Variants in ELP2 observed in about 807,000 individuals in gnomAD.
ELP2 encodes the protein elongator complex protein 2.
Under a neutral mutation model 119.2 loss-of-function variants are expected in ELP2, and 90 were observed. The ratio of observed to expected loss-of-function variants is 0.75; its 90% CI spans 0.64 to 0.90. ELP2 has a LOEUF of 0.90. ELP2 is among the 40% of genes least tolerant of loss of function. The pLI is 0.00. For synonymous variants in ELP2, 339 were observed against 331.0 expected, an observed-to-expected ratio of 1.02 and a Z score of -0.26; for missense variants, 921 against 967.8, an observed-to-expected ratio of 0.95 and a Z score of 0.64.
At position 36,145,129 on chromosome 18, in the gene ELP2, T is replaced by A. The variant is rs568797740; in HGVS notation, c.892+95T>A. 22 of 929,654 alleles carry A rather than the reference T, an allele frequency of 2.4e-5. No individual in the cohort carries two copies. In the East Asian group the frequency reaches 5.3e-4, roughly 22 times the overall value. 57.6% of individuals were successfully genotyped at this position (929,654 alleles called of 1,614,324 possible). A position where few individuals can be genotyped will look rare whatever the true frequency, so the allele number is the denominator to read the frequency against. The stretch of plus-strand genomic sequence containing the variant: ...AAGTGGAGAATTTTTTTACTGTGAT[T>A]AGAAATCTCAAATACATGACATTTT... On this transcript the variant is annotated intron_variant, in intron 9 of 21. Coordinates refer to ENST00000358232, the MANE Select transcript of ELP2 (RefSeq NM_018255.4).
At chr18:36,148,748 C>T (rs531062242) in intron 11 of ELP2, among the ~76,000 whole-genome samples, 5 of 152,210 alleles carry the variant, frequency 3.3e-5, no homozygotes, top group Admixed American at 2.0e-4. Flanking sequence ...TCGTTGCAGG[C>T]GCCTGTGGTC....
In ELP2 at chr18:36,174,521, G is replaced by A; in HGVS notation, c.2361G>A (p.Trp787Ter). ...SHTLAIRKLC[W>*]KNCSGKTEQK... ...CACTGGCTATCAGAAAATTATGCTG[G>A]AAGAATTGCAGTGGAAAAACTGAAC... The change falls in exon 22 of 22, where the codon TGG (tryptophan) becomes TGA (stop). Residue 787 changes from tryptophan to a stop codon, truncating the protein, a stop_gained. Transcript: ENST00000358232. LOFTEE classifies it high-confidence loss of function. 6.2e-7 allele frequency: 1 copy of A among 1,614,090 alleles called. No homozygotes were observed. The highest frequency in any genetic ancestry group is 8.5e-7 in the Non-Finnish European group (1 of 1,179,992).
Position 36,152,055 on chromosome 18 carries a change from C to A in ELP2, c.1126-2795C>A, listed in dbSNP as rs545446713. Among the ~76,000 whole-genome samples the A allele has an allele frequency of 6.6e-5, 10 of 151,882 alleles. No homozygotes were observed. The East Asian group carries it at 1.7e-3, about 27-fold the overall frequency. On this transcript the variant is annotated intron_variant, in intron 11 of 21. Coordinates refer to ENST00000358232, the MANE Select transcript of ELP2 (RefSeq NM_018255.4). ...CCTGAGCCACCATGCCCAGCCAGTT[C>A]TGGTTTTTTAATGGTTTTTTTCCAG...
At chr18:36,169,011 G>T (rs998426206) in intron 19 of ELP2, among the ~76,000 whole-genome samples, 2 of 125,482 alleles carry the variant, frequency 1.6e-5, no homozygotes, top group Non-Finnish European at 3.2e-5. Context: ...TGCAACCCCC[G>T]CCTCCCAGGT....
chr18:36,146,543 A>G (rs920163391), intron 11 of ELP2, among the ~76,000 whole-genome samples, 162 bp downstream of exon 11: 2 of 152,224 alleles, frequency 1.3e-5, no homozygotes, highest in Admixed American at 6.5e-5. Flanking sequence ...TGAAATTTGC[A>G]TGTAGGTAAA....
chr18:36,149,488 G>GTTTTT lies in ELP2; in HGVS notation c.1125+3117_1125+3121dup, dbSNP rs71166097. ...GTTGCAGGGTTTTTTGTTTTGTTTT[G>GTTTTT]TTTTTTTTTTTTTTGCTTAGAAATC... On this transcript the variant is annotated intron_variant, in intron 11 of 21. Coordinates refer to ENST00000358232, the MANE Select transcript of ELP2 (RefSeq NM_018255.4). Among the ~76,000 whole-genome samples the GTTTTT allele has an allele frequency of 3.2e-5, 4 of 125,082 alleles. 1 individual carries two copies. Among genetic ancestry groups the GTTTTT allele is most frequent in the Admixed American group, 2.8e-4 (3 of 10,718 alleles). The allele number at this position is 125,082 out of a possible 152,430, so 82.1% of individuals were successfully genotyped here.
chr18:36,161,065 C>T (rs1281031136), intron 17 of ELP2, 61 bp downstream of exon 17: 41 of 1,236,256 alleles, frequency 3.3e-5, no homozygotes, highest in Non-Finnish European at 4.8e-5. Context: ...CAGGCTCCTG[C>T]AAGTTTGGTA....
intron 5 of ELP2, among the ~76,000 whole-genome samples, chr18:36,140,475 T>C (rs1298227026): frequency 6.6e-6 from 1 of 152,146 alleles, no homozygotes. Context: ...GCCTCCTGAG[T>C]AACTGGGATT....
chr18:36,163,172 T>A (rs2144765138), intron 17 of ELP2, among the ~76,000 whole-genome samples: 1 of 152,236 alleles, frequency 6.6e-6, no homozygotes, highest in East Asian at 1.9e-4. Context: ...GCTTTTTGCT[T>A]CTGAGTCATT....
chr18:36,172,592 G>C (rs995144125), intron 21 of ELP2, among the ~76,000 whole-genome samples: 4 of 152,208 alleles, frequency 2.6e-5, no homozygotes, highest in Admixed American at 6.5e-5. Flanking sequence ...AGTTTGTGCT[G>C]TTGGCTTGCT....
Position 36,146,489 on chromosome 18 carries a change from A to G in ELP2, c.1125+108A>G, listed in dbSNP as rs2144656621. ...ACAGAAACATAGTAGAGGCACTTGA[A>G]GTTCAAGTGACATAACTTTTTTCTG... On this transcript the variant is annotated intron_variant, in intron 11 of 21. Transcript: ENST00000358232. 1.1e-5 allele frequency: 14 copies of G among 1,221,240 alleles called. No homozygotes were observed. In the South Asian group the frequency reaches 1.3e-4, roughly 11 times the overall value. The allele number at this position is 1,221,240 out of a possible 1,614,324, so 75.7% of individuals were successfully genotyped here.
Position 36,176,453 on chromosome 18 carries a change from G to T in ELP2, c.*1812G>T, listed in dbSNP as rs1486917626. Reference sequence around the variant, plus strand: ...CATGCAGGCTTCCAGAGCAGATTCAGAGGCCTAACTTAGTCCTTTAGCTTT... The same window carrying T: ...CATGCAGGCTTCCAGAGCAGATTCATAGGCCTAACTTAGTCCTTTAGCTTT... On this transcript the variant is annotated 3_prime_UTR_variant, in exon 22 of 22. Coordinates refer to ENST00000358232, the MANE Select transcript of ELP2 (RefSeq NM_018255.4). 6.6e-6 allele frequency: 1 copy of T among 152,240 alleles called. No homozygotes were observed. Among genetic ancestry groups the T allele is most frequent in the Non-Finnish European group, 1.5e-5 (1 of 68,050 alleles). 9.4% of individuals were successfully genotyped at this position (152,240 alleles called of 1,614,324 possible). A position where few individuals can be genotyped will look rare whatever the true frequency, so the allele number is the denominator to read the frequency against.
intron 1 of ELP2, 39 bp downstream of exon 1, chr18:36,130,110 C>A: frequency 6.2e-7 from 1 of 1,613,330 alleles, no homozygotes; most frequent in Non-Finnish European, 8.5e-7. Context: ...TTGTGCTTTT[C>A]GGGTTGAACC....
At chr18:36,159,657 G>A (rs2090671272) in intron 14 of ELP2, 78 bp from the exon 15 acceptor site, 2 of 1,044,938 alleles carry the variant, frequency 1.9e-6, no homozygotes, top group Admixed American at 1.7e-5. Context: ...TGCTTTCTAT[G>A]TGGTGGCCTT....
At position 36,178,612 on chromosome 18, in the gene ELP2, A is replaced by G. The variant is rs986110546; in HGVS notation, c.*3971A>G. On this transcript the variant is annotated 3_prime_UTR_variant, in exon 22 of 22. Coordinates refer to ENST00000358232, the MANE Select transcript of ELP2 (RefSeq NM_018255.4). ...CATTTAAACATATGACAGTGGGGCT[A>G]TGGTTATGATTGGTTTTGTTTTTTT... The G allele has an allele frequency of 6.6e-6, 1 of 151,468 alleles. No homozygotes were observed. The highest frequency in any genetic ancestry group is 1.5e-5 in the Non-Finnish European group (1 of 67,958). 9.4% of individuals were successfully genotyped at this position (151,468 alleles called of 1,614,324 possible). A position where few individuals can be genotyped will look rare whatever the true frequency, so the allele number is the denominator to read the frequency against.
intron 21 of ELP2, among the ~76,000 whole-genome samples, chr18:36,171,965 C>T (rs951616995): frequency 6.6e-6 from 1 of 152,220 alleles, no homozygotes; most frequent in African/African-American, 2.4e-5. Context: ...AGCAATCCTC[C>T]TGTCTTGGCC....
At position 36,176,439 on chromosome 18, in the gene ELP2, C is replaced by T. The variant is rs2091224323; in HGVS notation, c.*1798C>T. 1 of 152,212 alleles carries T rather than the reference C, an allele frequency of 6.6e-6. No individual in the cohort carries two copies. Among genetic ancestry groups the T allele is most frequent in the South Asian group, 2.1e-4 (1 of 4,830 alleles). The allele number at this position is 152,212 out of a possible 1,614,324, so 9.4% of individuals were successfully genotyped here. A position where few individuals can be genotyped will look rare whatever the true frequency, so the allele number is the denominator to read the frequency against. Reference sequence around the variant, plus strand: ...TTCTGACCCAAGTGCATGCAGGCTTCCAGAGCAGATTCAGAGGCCTAACTT... The same window carrying T: ...TTCTGACCCAAGTGCATGCAGGCTTTCAGAGCAGATTCAGAGGCCTAACTT... On this transcript the variant is annotated 3_prime_UTR_variant, in exon 22 of 22. Transcript: ENST00000358232.
chr18:36,153,481 G>A (rs2090466964), intron 11 of ELP2, among the ~76,000 whole-genome samples: 1 of 152,044 alleles, frequency 6.6e-6, no homozygotes, highest in South Asian at 2.1e-4. Context: ...AATGTGTGGG[G>A]GTTTCTTCCC....
rs1320013258 is a variant in ELP2 at position 36,179,486 on chromosome 18, A to G, written c.*4845A>G. On this transcript the variant is annotated 3_prime_UTR_variant, in exon 22 of 22. Coordinates refer to ENST00000358232, the MANE Select transcript of ELP2 (RefSeq NM_018255.4). Reference sequence around the variant, plus strand: ...GTGAGACTCCATCTCAAAAAAAAAAAAAAAAAAAAAAAAAATCTGGGACCC... The same window carrying G: ...GTGAGACTCCATCTCAAAAAAAAAAGAAAAAAAAAAAAAAATCTGGGACCC... 1 of 152,914 alleles carries G rather than the reference A, an allele frequency of 6.5e-6. No homozygotes were observed. Among genetic ancestry groups the G allele is most frequent in the Non-Finnish European group, 1.4e-5 (1 of 69,824 alleles). The allele number at this position is 152,914 out of a possible 1,614,324, so 9.5% of individuals were successfully genotyped here.
Sources: allele counts gnomAD v4.1 joint callset (sites outside exome capture counted in the v4.1 genomes callset), GRCh38; gene constraint gnomAD v4.1.1; transcripts MANE v1.5; gene names NCBI Gene and HGNC (gene_info 2026-07-23, HGNC 2026-07-21).